CLTC: variants seen among roughly 807,000 people sequenced by gnomAD.
The protein encoded by CLTC is clathrin heavy chain 1.
A neutral mutation model predicts 195.8 loss-of-function variants in CLTC; 16 were observed. The ratio of observed to expected loss-of-function variants is 0.08; its 90% CI spans 0.06 to 0.12. The LOEUF (loss-of-function observed/expected upper bound fraction) is 0.12. Among genes scored for constraint, CLTC ranks in the 10% least tolerant of loss-of-function variants. The pLI is 1.00. For missense variants in CLTC, 796 were observed against 2,027.0 expected, an observed-to-expected ratio of 0.39 and a Z score of 11.66; for synonymous variants, 667 against 689.4, an observed-to-expected ratio of 0.97 and a Z score of 0.51.
chr17:59,682,718 C>T lies in CLTC; in HGVS notation c.3690C>T (p.Thr1230=), dbSNP rs1567970377. 6.2e-7 allele frequency: 1 copy of T among 1,613,992 alleles called. No homozygotes were observed. Among genetic ancestry groups the T allele is most frequent in the Non-Finnish European group, 8.5e-7 (1 of 1,179,988 alleles). The change falls in exon 23 of 32, where the codon ACC becomes ACT. Residue 1230 remains threonine, a synonymous_variant. Transcript: ENST00000269122. This position sits in a 1 kb window ranked among gnomAD's most constrained non-coding sequence, Gnocchi z 6.8. ...CCAATTTTGGACGTTTGGCATCTAC[C>T]CTGGTTCACCTGGGTGAATATCAGG... is the stretch of plus-strand genomic sequence containing the variant. ...NVSNFGRLAS[T]LVHLGEYQAA...
chr17:59,671,369 A>G (rs977356860), intron 14 of CLTC, among the ~76,000 whole-genome samples: 22 of 152,180 alleles, frequency 1.4e-4, no homozygotes, highest in African/African-American at 5.3e-4. Flanking sequence ...CTGTTATTAA[A>G]CTTAATTTTA....
At chr17:59,637,476 C>G (rs962005937) in intron 1 of CLTC, among the ~76,000 whole-genome samples, 2 of 150,376 alleles carry the variant, frequency 1.3e-5, no homozygotes, top group Non-Finnish European at 3.0e-5. Flanking sequence ...AATCTCCTGA[C>G]CTCATGATCC....
intron 17 of CLTC, among the ~76,000 whole-genome samples, chr17:59,678,558 A>G (rs941819798): frequency 3.9e-5 from 6 of 152,134 alleles, no homozygotes; most frequent in African/African-American, 1.4e-4. Context: ...ACTGGTGAGA[A>G]CCTCTTCAGT....
At chr17:59,664,556 AAAAAAAAAAAAG>A (rs2032682159) in intron 9 of CLTC, 1 of 356,230 alleles carries the variant, frequency 2.8e-6, no homozygotes, top group Non-Finnish European at 4.9e-6. Context: ...GTCTCAAAAA[AAAAAAAAAAAAG>A]AAAAGAAAAG....
chr17:59,673,831 T>C (rs1354414626), intron 15 of CLTC, 59 bp downstream of exon 15: 2 of 890,482 alleles, frequency 2.2e-6, no homozygotes, highest in Non-Finnish European at 3.5e-6. Context: ...ATTTCTCATA[T>C]TCTGGAAATC....
intron 31 of CLTC, among the ~76,000 whole-genome samples, chr17:59,693,378 TTTA>T (rs1355196377): frequency 4.8e-4 from 73 of 150,638 alleles, no homozygotes; most frequent in South Asian, 8.5e-4. Context: ...TTTTTTTTTT[TTTA>T]AAAAGTCTTT....
In CLTC at chr17:59,683,281, A is replaced by C; in HGVS notation, c.4041+19A>C. 6.2e-7 allele frequency: 1 copy of C among 1,611,988 alleles called. No homozygotes were observed. Among genetic ancestry groups the C allele is most frequent in the African/African-American group, 1.3e-5 (1 of 74,952 alleles). On this transcript the variant is annotated intron_variant, in intron 25 of 31. Coordinates refer to ENST00000269122, the MANE Select transcript of CLTC (RefSeq NM_004859.4). This position sits in a 1 kb window ranked among gnomAD's most constrained non-coding sequence, Gnocchi z 6.1. The stretch of plus-strand genomic sequence containing the variant: ...TCCCAAGGTAACCAGTCATTGTAAC[A>C]CAGTGAAGCAACTGTGTAGTTAAAA...
chr17:59,652,517 C>T (rs893575850), intron 5 of CLTC, among the ~76,000 whole-genome samples: 97 of 152,254 alleles, frequency 6.4e-4, no homozygotes, highest in African/African-American at 2.1e-3. Flanking sequence ...ATGCTGTCTT[C>T]GCAGACATGA....
intron 1 of CLTC, among the ~76,000 whole-genome samples, chr17:59,638,011 T>C (rs1268591504): frequency 6.8e-6 from 1 of 146,620 alleles, no homozygotes; most frequent in Non-Finnish European, 1.5e-5. Context: ...CATTTCATAG[T>C]GTCTGAGGCA....
chr17:59,646,357 A>G (rs1036143560), intron 2 of CLTC, among the ~76,000 whole-genome samples: 3 of 152,218 alleles, frequency 2.0e-5, no homozygotes, highest in South Asian at 4.1e-4. Context: ...TGTGGTTTAC[A>G]TACTGTGTGG....
chr17:59,666,436 T>C lies in CLTC; in HGVS notation c.1783-44T>C. The C allele has an allele frequency of 6.3e-7, 1 of 1,596,396 alleles. No homozygotes were observed. On this transcript the variant is annotated intron_variant, in intron 11 of 31. Transcript: ENST00000269122. This position sits in a 1 kb window ranked among gnomAD's most constrained non-coding sequence, Gnocchi z 4.9. ...TAATACGGATATTGAATTACTCATG[T>C]AAGTGGAGTGGACAATAAACTTGCC... is the stretch of plus-strand genomic sequence containing the variant.
intron 31 of CLTC, among the ~76,000 whole-genome samples, chr17:59,692,282 A>G (rs2033322111): frequency 6.6e-6 from 1 of 152,108 alleles, no homozygotes; most frequent in Non-Finnish European, 1.5e-5. Flanking sequence ...GCACCACTGC[A>G]TTCCCTGGGC....
At position 59,648,529 on chromosome 17, in the gene CLTC, C is replaced by CA; in HGVS notation, c.681+128_681+129insA. Reference sequence around the variant, plus strand: ...ATTTTAGTATTCACATTTGTGGTGACTTAATTTGTTCAAATTTTGCATCTA... The same window carrying CA: ...ATTTTAGTATTCACATTTGTGGTGACATTAATTTGTTCAAATTTTGCATCTA... On this transcript the variant is annotated intron_variant, in intron 4 of 31. Coordinates refer to ENST00000269122, the MANE Select transcript of CLTC (RefSeq NM_004859.4). The surrounding 1 kb of genome is among the most constrained non-coding windows in gnomAD (Gnocchi z 4.5). 3.3e-6 allele frequency: 3 copies of CA among 905,434 alleles called. No homozygotes were observed. The highest frequency in any genetic ancestry group is 5.0e-6 in the Non-Finnish European group (3 of 597,334). 56.1% of individuals were successfully genotyped at this position (905,434 alleles called of 1,614,324 possible). A position where few individuals can be genotyped will look rare whatever the true frequency, so the allele number is the denominator to read the frequency against.
In CLTC at chr17:59,682,091, G is replaced by GA. The variant is rs1336876834; in HGVS notation, c.3443-175dup. Among the ~76,000 whole-genome samples, 1 of 152,034 alleles carries GA rather than the reference G, an allele frequency of 6.6e-6. No homozygotes were observed. The highest frequency in any genetic ancestry group is 1.5e-5 in the Non-Finnish European group (1 of 67,990). On this transcript the variant is annotated intron_variant, in intron 21 of 31. Coordinates refer to ENST00000269122, the MANE Select transcript of CLTC (RefSeq NM_004859.4). The surrounding 1 kb of genome is among the most constrained non-coding windows in gnomAD (Gnocchi z 6.8). Reference sequence around the variant, plus strand: ...AGTGCTCTAATCTTAAAACTTTAAGGAAAAAGAATTCATCTATTCATTTGG... The same window carrying GA: ...AGTGCTCTAATCTTAAAACTTTAAGGAAAAAAGAATTCATCTATTCATTTGG...
intron 30 of CLTC, among the ~76,000 whole-genome samples, chr17:59,686,165 T>C (rs1319945174): frequency 6.6e-6 from 1 of 152,156 alleles, no homozygotes. Context: ...ATTTGGTTGG[T>C]TCCTGACTTT....
Position 59,679,433 on chromosome 17 carries a change from C to T in CLTC, c.2833C>T (p.Arg945Cys), listed in dbSNP as rs746701247. ...NENSLFKSLS[R>C]YLVRRKDPEL... Reference sequence around the variant, plus strand: ...GAATTCCCTCTTCAAAAGTCTTTCTCGCTACCTGGTACGTCGAAAGGATCC... The same window carrying T: ...GAATTCCCTCTTCAAAAGTCTTTCTTGCTACCTGGTACGTCGAAAGGATCC... The change falls in exon 18 of 32, where the codon CGC (arginine) becomes TGC (cysteine). Residue 945 changes from arginine to cysteine, a missense_variant. Physicochemically the swap from Arg to Cys is radical, Grantham distance 180. This residue lies in a region of CLTC where 160 missense variants were observed against 448.2 expected (regional missense o/e 0.36). Transcript: ENST00000269122. 6.2e-7 allele frequency: 1 copy of T among 1,607,234 alleles called. No homozygotes were observed.
rs1162062491 is a variant in CLTC, at chr17:59,684,390, T to C, written c.4434+405T>C. 1.7e-5 allele frequency: 3 copies of C among 179,506 alleles called. No homozygotes were observed. The East Asian group carries it at 4.8e-4, about 29-fold the overall frequency. The allele number at this position is 179,506 out of a possible 1,614,324, so 11.1% of individuals were successfully genotyped here. A position where few individuals can be genotyped will look rare whatever the true frequency, so the allele number is the denominator to read the frequency against. On this transcript the variant is annotated intron_variant, in intron 28 of 31. Coordinates refer to ENST00000269122, the MANE Select transcript of CLTC (RefSeq NM_004859.4). The stretch of plus-strand genomic sequence containing the variant: ...AAGGATTTCACAAGCAAAAGTGAAG[T>C]AGAGTTAAGCTTAAGCTACTTGCCT...
chr17:59,680,064 AAG>A (rs1345468063), intron 18 of CLTC, among the ~76,000 whole-genome samples: 1 of 152,094 alleles, frequency 6.6e-6, no homozygotes. Context: ...AAAAAGAAAA[AAG>A]AAAAAGAAAA....
intron 31 of CLTC, among the ~76,000 whole-genome samples, chr17:59,691,432 G>T (rs2033295084): frequency 6.6e-6 from 1 of 151,944 alleles, no homozygotes; most frequent in South Asian, 2.1e-4. Flanking sequence ...AGACCATCCT[G>T]GCTAACACAG....
Sources: gnomAD v4.1 joint callset for allele counts (sites outside exome capture counted in the v4.1 genomes callset) on GRCh38, gnomAD v4.1.1 for gene constraint, gnomAD v4.1.1 regional missense constraint, Gnocchi (gnomAD v3.1) non-coding constraint, MANE v1.5 for transcripts, NCBI Gene and HGNC (gene_info 2026-07-23, HGNC 2026-07-21) for gene names.